ASPH: variants seen among roughly 807,000 people sequenced by gnomAD.
ASPH encodes the protein aspartyl/asparaginyl beta-hydroxylase.
Under a neutral mutation model 118.4 loss-of-function variants are expected in ASPH, and 100 were observed. That is an observed-to-expected ratio of 0.84 (90% CI 0.72 to 1.00). The LOEUF is 1.00. ASPH is among the 50% of genes least tolerant of loss of function. ASPH has a pLI of 0.00. For missense variants in ASPH, 920 were observed against 919.5 expected (o/e 1.00, Z -0.01); for synonymous variants, 315 against 325.6 (o/e 0.97, Z 0.35).
chr8:61,679,711 A>G (rs1827014642), intron 3 of ASPH, among the ~76,000 whole-genome samples: 1 of 151,908 alleles, frequency 6.6e-6, no homozygotes, highest in African/African-American at 2.4e-5. Flanking sequence ...TAATGAAGTA[A>G]TAAACCATTT....
chr8:61,567,030 CA>C, intron 17 of ASPH, 137 bp downstream of exon 17: 1 of 1,066,658 alleles, frequency 9.4e-7, no homozygotes, highest in South Asian at 1.7e-5. Flanking sequence ...GAGCCTAGGA[CA>C]GACACATTAC....
At chr8:61,625,273 G>A (rs981785404) in intron 13 of ASPH, 10 of 985,634 alleles carry the variant, frequency 1.0e-5, no homozygotes, top group Admixed American at 6.2e-5. Context: ...GCTCATTGCC[G>A]TGAAATAGCA....
At chr8:61,653,305 C>A (rs1486521298) in intron 4 of ASPH, among the ~76,000 whole-genome samples, 1 of 152,178 alleles carries the variant, frequency 6.6e-6, no homozygotes, top group Non-Finnish European at 1.5e-5. Context: ...AATCAAGAAA[C>A]AACATTCAGT....
chr8:61,612,092 A>G (rs1847570292), intron 14 of ASPH, among the ~76,000 whole-genome samples: 1 of 152,128 alleles, frequency 6.6e-6, no homozygotes, highest in African/African-American at 2.4e-5. Flanking sequence ...TGGGTTTATT[A>G]GAAAAATACT....
At chr8:61,651,668 G>A (rs1210273323) in intron 4 of ASPH, among the ~76,000 whole-genome samples, 1 of 152,182 alleles carries the variant, frequency 6.6e-6, no homozygotes, top group Non-Finnish European at 1.5e-5. Flanking sequence ...AGTGTCAGTA[G>A]AAAACCTTAC....
Position 61,714,467 on chromosome 8 carries a change from T to C in ASPH, c.-96A>G, listed in dbSNP as rs891655795. Reference sequence around the variant, plus strand: ...GGAACCGCTGGCGGCGGCGGGCCGCTGGAGCGGGTTCGGGCCGCTGCTCCT... The same window carrying C: ...GGAACCGCTGGCGGCGGCGGGCCGCCGGAGCGGGTTCGGGCCGCTGCTCCT... On this transcript the variant is annotated 5_prime_UTR_variant, in exon 1 of 25. Coordinates refer to ENST00000379454, the MANE Select transcript of ASPH (RefSeq NM_004318.4). 1.8e-5 allele frequency: 25 copies of C among 1,361,958 alleles called. No individual in the cohort carries two copies. Among genetic ancestry groups the C allele is most frequent in the Non-Finnish European group, 2.4e-5 (25 of 1,058,234 alleles). The allele number at this position is 1,361,958 out of a possible 1,614,324, so 84.4% of individuals were successfully genotyped here.
Position 61,526,118 on chromosome 8 carries a change from G to C in ASPH, c.1765-6C>G. 6.2e-7 allele frequency: 1 copy of C among 1,613,858 alleles called. No homozygotes were observed. The highest frequency in any genetic ancestry group is 8.5e-7 in the Non-Finnish European group (1 of 1,179,838). ...TTCCAGTTTCTTTCTAAAGACTAGA[G>C]GGAAGATTCTGGCTTTACTGGACTG... On this transcript the variant is annotated splice_polypyrimidine_tract_variant and splice_region_variant and intron_variant, in intron 21 of 24. Transcript: ENST00000379454.
intron 1 of ASPH, among the ~76,000 whole-genome samples, chr8:61,698,297 T>G (rs1017642637): frequency 6.6e-6 from 1 of 152,238 alleles, no homozygotes; most frequent in Non-Finnish European, 1.5e-5. Context: ...GTTGTACCCC[T>G]GTGACTGACT....
intron 1 of ASPH, among the ~76,000 whole-genome samples, chr8:61,690,003 C>CT (rs1832161628): frequency 6.6e-6 from 1 of 152,122 alleles, no homozygotes; most frequent in African/African-American, 2.4e-5. Context: ...ACTCCAACCC[C>CT]TAAAAAATCA....
At chr8:61,594,529 G>T (rs1005191259) in intron 14 of ASPH, among the ~76,000 whole-genome samples, 2 of 152,162 alleles carry the variant, frequency 1.3e-5, no homozygotes, top group African/African-American at 4.8e-5. Flanking sequence ...GATTAGTACA[G>T]GAATCCCCTT....
At chr8:61,705,675 C>T (rs1039526315) in intron 1 of ASPH, among the ~76,000 whole-genome samples, 1 of 152,050 alleles carries the variant, frequency 6.6e-6, no homozygotes, top group Non-Finnish European at 1.5e-5. Context: ...TATTCTCTAT[C>T]CTAATAGGTT....
intron 13 of ASPH, among the ~76,000 whole-genome samples, chr8:61,621,174 A>G (rs1048629175): frequency 6.6e-6 from 1 of 152,216 alleles, no homozygotes; most frequent in Non-Finnish European, 1.5e-5. Flanking sequence ...AAGCTCTCTT[A>G]TTCTCATTCT....
At chr8:61,642,987 TAAAAC>T (rs1805999364) in intron 9 of ASPH, 67 bp from the exon 10 acceptor site, 3 of 1,348,858 alleles carry the variant, frequency 2.2e-6, no homozygotes, top group African/African-American at 3.0e-5. Context: ...ATTGTTCAGT[TAAAAC>T]AAAATACTAC....
At chr8:61,562,387 G>GCC (rs1830270547) in intron 18 of ASPH, among the ~76,000 whole-genome samples, 1 of 99,508 alleles carries the variant, frequency 1.0e-5, no homozygotes, top group African/African-American at 3.9e-5. Flanking sequence ...AGGAAAGTGT[G>GCC]TCTGTGTGTG....
At chr8:61,523,095 T>C (rs1251682331) in intron 22 of ASPH, among the ~76,000 whole-genome samples, 1 of 152,168 alleles carries the variant, frequency 6.6e-6, no homozygotes, top group Non-Finnish European at 1.5e-5. Flanking sequence ...GCTAAATCTT[T>C]ACTGAGCCAG....
At chr8:61,625,682 T>G (rs1588264312) in intron 13 of ASPH, 1 of 984,976 alleles carries the variant, frequency 1.0e-6, no homozygotes, top group East Asian at 1.1e-4. Context: ...TACAAAAATT[T>G]CAAAAGTGTT....
At chr8:61,700,948 T>C (rs1018305911) in intron 1 of ASPH, among the ~76,000 whole-genome samples, 1 of 152,246 alleles carries the variant, frequency 6.6e-6, no homozygotes, top group African/African-American at 2.4e-5. Flanking sequence ...CAAAATGAAA[T>C]GCATAAATTT....
chr8:61,695,848 T>C (rs1186804340), intron 1 of ASPH, among the ~76,000 whole-genome samples: 4 of 152,250 alleles, frequency 2.6e-5, no homozygotes, highest in African/African-American at 9.6e-5. Flanking sequence ...AAACTTCTTC[T>C]GCTAACACTT....
At position 61,646,883 on chromosome 8, in the gene ASPH, G is replaced by A. The variant is rs756348613; in HGVS notation, c.491-5C>T. 10 of 1,613,690 alleles carry A rather than the reference G, an allele frequency of 6.2e-6. No homozygotes were observed. In the Admixed American group the frequency reaches 1.7e-4, roughly 27 times the overall value. ...GTTGCAAGTCTTCTCCCTCAACTATGACAATGAACAAAGTGACACTGGCAA... is the reference window on the plus strand; with the variant it reads ...GTTGCAAGTCTTCTCCCTCAACTATAACAATGAACAAAGTGACACTGGCAA... On this transcript the variant is annotated splice_polypyrimidine_tract_variant and splice_region_variant and intron_variant, in intron 5 of 24. Transcript: ENST00000379454.
Sources: gnomAD v4.1 joint callset for allele counts (sites outside exome capture counted in the v4.1 genomes callset) on GRCh38, gnomAD v4.1.1 for gene constraint, MANE v1.5 for transcripts, NCBI Gene and HGNC (gene_info 2026-07-23, HGNC 2026-07-21) for gene names.